CEP135: variants seen among roughly 807,000 people sequenced by gnomAD.
CEP135 encodes the protein centrosomal protein 135, also known as centrosomal protein of 135 kDa.
Under a neutral mutation model 157.3 loss-of-function variants are expected in CEP135, and 142 were observed. That is an observed-to-expected ratio of 0.90 (90% confidence interval 0.79 to 1.04). The LOEUF (loss-of-function observed/expected upper bound fraction) is 1.04, where lower values mean the gene tolerates loss of function less well. Ranked by LOEUF, CEP135 falls within the 50% of genes least tolerant of loss-of-function variation. The pLI is 0.00. For synonymous variants in CEP135, 396 were observed against 439.8 expected (o/e 0.90, Z 1.25); for missense variants, 1,317 against 1,309.2 (o/e 1.01, Z -0.09).
intron 4 of CEP135, among the ~76,000 whole-genome samples, chr4:55,955,416 G>A (rs1189673641): frequency 6.6e-6 from 1 of 152,164 alleles, no homozygotes; most frequent in Non-Finnish European, 1.5e-5. Context: ...GAAGTTGAGG[G>A]GAGAGGAGAC....
chr4:56,015,579 A>G (rs925173772), intron 21 of CEP135, among the ~76,000 whole-genome samples: 4 of 152,210 alleles, frequency 2.6e-5, no homozygotes, highest in Non-Finnish European at 5.9e-5. Flanking sequence ...TTGAAATCTA[A>G]TGGATTCAGC....
intron 22 of CEP135, 65 bp from the exon 23 acceptor site, chr4:56,019,288 T>G (rs1222467628): frequency 1.6e-6 from 2 of 1,272,374 alleles, no homozygotes; most frequent in African/African-American, 3.0e-5. Context: ...TATTGTCAGA[T>G]AAATAATTTT....
rs551501640 is a variant in CEP135 at position 55,985,963 on chromosome 4, A to T, written c.1857+605A>T. On this transcript the variant is annotated intron_variant, in intron 14 of 25. Transcript: ENST00000257287. ...TCCAAAAAAAATCACAAAATAGTAT[A>T]CTAGAAAAGCTGTATAACAGCAGTT... 1.2e-4 allele frequency among the ~76,000 whole-genome samples: 19 copies of T among 152,188 alleles called. No individual in the cohort carries two copies. In the South Asian group the frequency reaches 3.7e-3, roughly 30 times the overall value.
intron 10 of CEP135, among the ~76,000 whole-genome samples, chr4:55,972,849 T>C (rs546195265): frequency 1.7e-4 from 26 of 152,088 alleles, no homozygotes; most frequent in Non-Finnish European, 3.5e-4. Context: ...CTGACCCACA[T>C]GGAGAAACCC....
chr4:56,021,022 T>C (rs543029422), intron 24 of CEP135, among the ~76,000 whole-genome samples: 2 of 152,290 alleles, frequency 1.3e-5, no homozygotes, highest in African/African-American at 4.8e-5. Flanking sequence ...TTGAATAAAA[T>C]TGTTTAATAA....
At chr4:56,024,041 T>C (rs906621070) in intron 24 of CEP135, among the ~76,000 whole-genome samples, 23 of 143,270 alleles carry the variant, frequency 1.6e-4, no homozygotes, top group Middle Eastern at 7.6e-3. Context: ...ATATATTGTA[T>C]ATTTTATAAT....
At chr4:55,982,505 G>T (rs1729445768) in intron 13 of CEP135, among the ~76,000 whole-genome samples, 1 of 152,126 alleles carries the variant, frequency 6.6e-6, no homozygotes, top group South Asian at 2.1e-4. Flanking sequence ...GCTTTGATTT[G>T]CATTGCCTTG....
intron 14 of CEP135, among the ~76,000 whole-genome samples, chr4:55,991,318 CTTTTTT>C (rs36216484): frequency 6.7e-5 from 9 of 133,622 alleles, no homozygotes; most frequent in African/African-American, 2.5e-4. Flanking sequence ...CTGTTTTTTT[CTTTTTT>C]TTTTTTTTTG....
intron 5 of CEP135, 40 bp downstream of exon 5, chr4:55,957,404 C>T: frequency 3.2e-6 from 5 of 1,573,462 alleles, no homozygotes; most frequent in South Asian, 1.2e-5. Flanking sequence ...GTTAATTGAG[C>T]ACTCAATTAG....
At chr4:55,974,696 A>G in intron 10 of CEP135, 50 bp from the exon 11 acceptor site, 1 of 1,354,000 alleles carries the variant, frequency 7.4e-7, no homozygotes, top group Non-Finnish European at 1.0e-6. Flanking sequence ...TTGACTAATC[A>G]ACATTATGTA....
In CEP135 at chr4:55,985,367, T is replaced by C. The variant is rs927528300; in HGVS notation, c.1857+9T>C. On this transcript the variant is annotated intron_variant, in intron 14 of 25. Coordinates refer to ENST00000257287, the MANE Select transcript of CEP135 (RefSeq NM_025009.5). ...CATGTGTTAATCATCAGGTAATGTA[T>C]CAAACTGGATTTGGGGTATCTTGTG... 6.6e-7 allele frequency: 1 copy of C among 1,510,584 alleles called. No homozygotes were observed. Among genetic ancestry groups the C allele is most frequent in the East Asian group, 2.3e-5 (1 of 44,124 alleles). The allele number at this position is 1,510,584 out of a possible 1,614,324, so 93.6% of individuals were successfully genotyped here.
intron 12 of CEP135, 48 bp from the exon 13 acceptor site, chr4:55,981,179 A>G (rs1343356949): frequency 6.6e-7 from 1 of 1,512,866 alleles, no homozygotes. Context: ...TTTTATTTAT[A>G]TCTTTTACTA....
At chr4:56,010,712 C>T (rs2109732841) in intron 19 of CEP135, among the ~76,000 whole-genome samples, 1 of 152,248 alleles carries the variant, frequency 6.6e-6, no homozygotes, top group Admixed American at 6.5e-5. Flanking sequence ...GGTGTTAGTT[C>T]TGTTCGTGCT....
chr4:55,980,927 C>G (rs1294713458), intron 12 of CEP135, among the ~76,000 whole-genome samples: 1 of 152,054 alleles, frequency 6.6e-6, no homozygotes, highest in African/African-American at 2.4e-5. Context: ...TAAATTGATC[C>G]ACTTCTGGGC....
chr4:55,977,136 T>G (rs1191139882), intron 11 of CEP135, among the ~76,000 whole-genome samples: 1 of 152,138 alleles, frequency 6.6e-6, no homozygotes, highest in Non-Finnish European at 1.5e-5. Flanking sequence ...ATTAGCTGTT[T>G]TAAACATGTT....
chr4:55,988,125 A>ATAAAGGAGGT (rs1729649479), intron 14 of CEP135, among the ~76,000 whole-genome samples: 2 of 145,472 alleles, frequency 1.4e-5, no homozygotes, highest in Non-Finnish European at 3.0e-5. Context: ...GTGGAGGATT[A>ATAAAGGAGGT]TATCAGGTTT....
chr4:55,992,220 G>A (rs1486555064), intron 15 of CEP135, 135 bp downstream of exon 15: 6 of 694,824 alleles, frequency 8.6e-6, no homozygotes, highest in Non-Finnish European at 1.4e-5. Context: ...GACTCACCTG[G>A]GAGCTTTTGA....
chr4:56,024,469 A>AT, intron 24 of CEP135, 32 bp from the exon 25 acceptor site: 1 of 1,528,474 alleles, frequency 6.5e-7, no homozygotes, highest in Non-Finnish European at 9.0e-7. Context: ...TGGTGCTTGA[A>AT]TATATCTCTC....
chr4:55,950,351 G>A (rs1021909166), intron 1 of CEP135, among the ~76,000 whole-genome samples: 1 of 152,144 alleles, frequency 6.6e-6, no homozygotes, highest in Non-Finnish European at 1.5e-5. Flanking sequence ...ACTTTTACAT[G>A]TATGCTCATG....
Sources: allele counts gnomAD v4.1 joint callset (sites outside exome capture counted in the v4.1 genomes callset), GRCh38; gene constraint gnomAD v4.1.1; transcripts MANE v1.5; gene names NCBI Gene and HGNC (gene_info 2026-07-23, HGNC 2026-07-21).